CAPN8: variants seen among roughly 807,000 people sequenced by gnomAD.
CAPN8 encodes calpain 8, also known as calpain-8.
Under a neutral mutation model 80.9 loss-of-function variants are expected in CAPN8, and 87 were observed. The observed-to-expected ratio is 1.07, with a 90% CI of 0.90 to 1.28. The LOEUF is 1.28. Ranked by LOEUF, CAPN8 falls within the 50% of genes most tolerant of loss-of-function variation. CAPN8 has a pLI of 0.00. For missense variants in CAPN8, 757 were observed against 702.0 expected (o/e 1.08, Z -0.89); for synonymous variants, 299 against 273.8 (o/e 1.09, Z -0.91).
rs371398112 is a variant in CAPN8, at chr1:223,622,805, A to T, written c.899+10T>A. 1.0e-4 allele frequency: 156 copies of T among 1,550,790 alleles called. 2 individuals carry two copies. Among genetic ancestry groups the T allele is most frequent in the Middle Eastern group, 1.7e-4 (1 of 5,988 alleles). ...AGAGATGACTGGAGAAGCGGGGGAA[A>T]AAAACCTACTCATCGCTCCAGGCTC... On this transcript the variant is annotated intron_variant, in intron 7 of 20. Transcript: ENST00000366872.
chr1:223,552,283 G>A (rs914629739), intron 14 of CAPN8, among the ~76,000 whole-genome samples: 2 of 152,206 alleles, frequency 1.3e-5, no homozygotes, highest in African/African-American at 4.8e-5. Flanking sequence ...GAGGACCTGG[G>A]CCAGGCACGG....
Position 223,645,365 on chromosome 1 carries a change from GAC to G in CAPN8, c.307+8963_307+8964del, listed in dbSNP as rs544336586. ...AATCTCCTTTGGCAACACCCACACA[GAC>G]ACACCCAGGAACAGTACTTTGTATC... On this transcript the variant is annotated intron_variant, in intron 2 of 20. Coordinates refer to ENST00000366872, the MANE Select transcript of CAPN8 (RefSeq NM_001143962.2). 2.0e-5 allele frequency among the ~76,000 whole-genome samples: 3 copies of G among 152,114 alleles called. No individual in the cohort carries two copies. The South Asian group carries it at 6.2e-4, about 31-fold the overall frequency.
At chr1:223,659,750 C>G (rs1165501770) in intron 1 of CAPN8, among the ~76,000 whole-genome samples, 1 of 152,158 alleles carries the variant, frequency 6.6e-6, no homozygotes, top group Non-Finnish European at 1.5e-5. Context: ...TAACCAAAGC[C>G]TCCAAAAAAC....
intron 9 of CAPN8, among the ~76,000 whole-genome samples, chr1:223,618,821 A>G (rs1422782150): frequency 1.3e-5 from 2 of 152,218 alleles, no homozygotes; most frequent in Admixed American, 6.5e-5. Context: ...CCTGGCCTCC[A>G]AGCCCTAGGG....
intron 1 of CAPN8, among the ~76,000 whole-genome samples, chr1:223,663,104 G>A (rs1306714631): frequency 1.3e-5 from 2 of 152,164 alleles, no homozygotes; most frequent in Non-Finnish European, 2.9e-5. Flanking sequence ...CATTACTCAG[G>A]TTCTACTGCC....
chr1:223,632,605 A>C (rs1657804427), intron 2 of CAPN8, among the ~76,000 whole-genome samples: 1 of 152,156 alleles, frequency 6.6e-6, no homozygotes, highest in Non-Finnish European at 1.5e-5. Context: ...CCTGGCCTCA[A>C]GCAATCCTCC....
intron 16 of CAPN8, among the ~76,000 whole-genome samples, chr1:223,549,058 TA>T (rs1224705884): frequency 6.6e-6 from 1 of 152,022 alleles, no homozygotes; most frequent in Non-Finnish European, 1.5e-5. Context: ...TACATGATTT[TA>T]AATAAGTCAC....
At chr1:223,617,126 T>C (rs1298742389) in intron 9 of CAPN8, 1 of 152,132 alleles carries the variant, frequency 6.6e-6, no homozygotes, top group Admixed American at 6.5e-5. Flanking sequence ...TGGAAGGGCA[T>C]GGGATTTTTC....
chr1:223,624,041 C>A (rs1202963669), intron 6 of CAPN8, among the ~76,000 whole-genome samples: 1 of 151,602 alleles, frequency 6.6e-6, no homozygotes, highest in Non-Finnish European at 1.5e-5. Flanking sequence ...TTATGAAACA[C>A]AAACACATGT....
At chr1:223,652,685 T>C (rs1184181165) in intron 2 of CAPN8, among the ~76,000 whole-genome samples, 1 of 152,102 alleles carries the variant, frequency 6.6e-6, no homozygotes, top group African/African-American at 2.4e-5. Flanking sequence ...CCTCTTCTAC[T>C]GGCAAAGGCT....
At chr1:223,663,604 A>G (rs2102743007) in intron 1 of CAPN8, among the ~76,000 whole-genome samples, 1 of 152,268 alleles carries the variant, frequency 6.6e-6, no homozygotes, top group South Asian at 2.1e-4. Flanking sequence ...CTGGCACAAA[A>G]TGGAAGCTCA....
intron 16 of CAPN8, among the ~76,000 whole-genome samples, chr1:223,548,833 T>A (rs904020629): frequency 3.3e-5 from 5 of 151,966 alleles, no homozygotes; most frequent in Non-Finnish European, 5.9e-5. Context: ...TTTTATCTTG[T>A]GTGATAACTC....
chr1:223,543,336 C>T (rs1282950008), intron 19 of CAPN8, among the ~76,000 whole-genome samples, 170 bp from the exon 20 acceptor site: 1 of 151,750 alleles, frequency 6.6e-6, no homozygotes, highest in Non-Finnish European at 1.5e-5. Flanking sequence ...AAGCTAGATC[C>T]AGGGCACACA....
intron 1 of CAPN8, among the ~76,000 whole-genome samples, chr1:223,655,934 T>A (rs1002030981): frequency 6.6e-6 from 1 of 151,848 alleles, no homozygotes; most frequent in African/African-American, 2.4e-5. Context: ...AGAGAGAGAA[T>A]CATTTCATTC....
At chr1:223,635,433 A>G (rs1210396821) in intron 2 of CAPN8, among the ~76,000 whole-genome samples, 1 of 152,174 alleles carries the variant, frequency 6.6e-6, no homozygotes, top group East Asian at 1.9e-4. Context: ...CGACCCACAC[A>G]TTGACTTTTG....
At chr1:223,632,204 A>T (rs1346990692) in intron 2 of CAPN8, among the ~76,000 whole-genome samples, 2 of 152,212 alleles carry the variant, frequency 1.3e-5, no homozygotes, top group African/African-American at 4.8e-5. Context: ...CACTGCATGA[A>T]GTGTGAATGG....
chr1:223,642,510 A>T (rs1658071404), intron 2 of CAPN8, among the ~76,000 whole-genome samples: 2 of 152,194 alleles, frequency 1.3e-5, no homozygotes, highest in African/African-American at 4.8e-5. Context: ...AGGGAGGGGC[A>T]GCTATCACAC....
intron 2 of CAPN8, among the ~76,000 whole-genome samples, chr1:223,651,357 A>G (rs1274465993): frequency 1.3e-5 from 2 of 152,242 alleles, no homozygotes; most frequent in Non-Finnish European, 2.9e-5. Context: ...GAGCTGCCCA[A>G]AGAAAAGTCA....
At chr1:223,550,234 G>A (rs138076234) in intron 15 of CAPN8, among the ~76,000 whole-genome samples, 174 of 152,276 alleles carry the variant, frequency 1.1e-3, no homozygotes, top group African/African-American at 3.8e-3. Context: ...CCTGTGCTCC[G>A]AGCCCTGGGG....
Sources: allele counts gnomAD v4.1 joint callset (sites outside exome capture counted in the v4.1 genomes callset), GRCh38; gene constraint gnomAD v4.1.1; transcripts MANE v1.5; gene names NCBI Gene and HGNC (gene_info 2026-07-23, HGNC 2026-07-21).